The following CSMD3 variants were observed in gnomAD, a reference collection of about 807,000 sequenced individuals.
CSMD3 encodes CUB and Sushi multiple domains 3.
In CSMD3, 177 loss-of-function variants were observed where a neutral mutation model predicts 435.2. The ratio of observed to expected loss-of-function variants is 0.41; its 90% CI spans 0.36 to 0.46. The LOEUF (loss-of-function observed/expected upper bound fraction) is 0.46, where lower values mean the gene tolerates loss of function less well. CSMD3 is among the 20% of genes least tolerant of loss of function. CSMD3 has a pLI of 0.34. For missense variants in CSMD3, 4,265 were observed against 4,504.6 expected, an observed-to-expected ratio of 0.95 and a Z score of 1.52; for synonymous variants, 1,656 against 1,520.5, an observed-to-expected ratio of 1.09 and a Z score of -2.07.
chr8:112,266,971 T>C (rs1817009706), intron 59 of CSMD3, among the ~76,000 whole-genome samples: 1 of 152,170 alleles, frequency 6.6e-6, no homozygotes, highest in African/African-American at 2.4e-5. Context: ...CATAAAAGGG[T>C]AATTTCTCCA....
At chr8:112,580,652 T>C (rs952880439) in intron 23 of CSMD3, among the ~76,000 whole-genome samples, 6 of 151,968 alleles carry the variant, frequency 3.9e-5, no homozygotes, top group East Asian at 1.9e-4. Flanking sequence ...ATGCTTCTTA[T>C]GAGCAGAGCA....
At chr8:113,167,627 C>T (rs2092179054) in intron 4 of CSMD3, among the ~76,000 whole-genome samples, 1 of 152,086 alleles carries the variant, frequency 6.6e-6, no homozygotes, top group Non-Finnish European at 1.5e-5. Flanking sequence ...GATTGAATAG[C>T]CTGTATTTTC....
Position 112,224,731 on chromosome 8 carries a change from G to A in CSMD3, c.*40C>T. On this transcript the variant is annotated 3_prime_UTR_variant, in exon 71 of 71. Coordinates refer to ENST00000297405, the MANE Select transcript of CSMD3 (RefSeq NM_198123.2). ...GAACTAAATGTGCACTGTTTTGTGT[G>A]TCGATTTCCAAGCTTCTGAAGAAGG... The A allele has an allele frequency of 6.2e-7, 1 of 1,608,396 alleles. No homozygotes were observed. Among genetic ancestry groups the A allele is most frequent in the South Asian group, 1.1e-5 (1 of 90,990 alleles).
At chr8:112,592,785 A>G (rs546800097) in intron 22 of CSMD3, among the ~76,000 whole-genome samples, 3 of 152,262 alleles carry the variant, frequency 2.0e-5, no homozygotes, top group African/African-American at 7.2e-5. Context: ...AATAAAAATA[A>G]CTATGGATAT....
At chr8:112,631,828 T>C (rs2074524412) in intron 22 of CSMD3, among the ~76,000 whole-genome samples, 1 of 152,022 alleles carries the variant, frequency 6.6e-6, no homozygotes, top group Non-Finnish European at 1.5e-5. Context: ...ATAGAACTCA[T>C]ACTGGCATCA....
intron 1 of CSMD3, among the ~76,000 whole-genome samples, chr8:113,377,461 G>A (rs10505203): frequency 0.14 from 21,656 of 152,092 alleles, 2,531 homozygotes; most frequent in African/African-American, 0.33. Flanking sequence ...GAAATCTAGA[G>A]AACTAACATT....
At chr8:112,436,132 G>A (rs945765258) in intron 32 of CSMD3, among the ~76,000 whole-genome samples, 1 of 151,816 alleles carries the variant, frequency 6.6e-6, no homozygotes, top group Non-Finnish European at 1.5e-5. Flanking sequence ...TGTCCCCAGA[G>A]AAGATTAGTT....
intron 4 of CSMD3, among the ~76,000 whole-genome samples, chr8:113,138,511 C>T (rs914486299): frequency 1.3e-5 from 2 of 151,328 alleles, no homozygotes; most frequent in South Asian, 2.1e-4. Flanking sequence ...ATTCATTATA[C>T]ATCTTAATAA....
intron 6 of CSMD3, among the ~76,000 whole-genome samples, chr8:112,979,285 T>C (rs918449861): frequency 6.6e-6 from 1 of 151,852 alleles, no homozygotes; most frequent in Non-Finnish European, 1.5e-5. Flanking sequence ...GTTTGATACA[T>C]ATAGTGGAAC....
Position 112,656,152 on chromosome 8 carries a change from A to G in CSMD3, c.3004+2T>C. On this transcript the variant is annotated splice_donor_variant, in intron 18 of 70. Coordinates refer to ENST00000297405, the MANE Select transcript of CSMD3 (RefSeq NM_198123.2). LOFTEE classifies it high-confidence loss of function. ...AAATCAAAAAGTTTTATCATTACTTACTTTCATAATGAATCTTGAAACCAT... is the reference window on the plus strand; with the variant it reads ...AAATCAAAAAGTTTTATCATTACTTGCTTTCATAATGAATCTTGAAACCAT... The G allele has an allele frequency of 6.7e-7, 1 of 1,502,516 alleles. No homozygotes were observed. Among genetic ancestry groups the G allele is most frequent in the Non-Finnish European group, 9.3e-7 (1 of 1,079,458 alleles). 93.1% of individuals were successfully genotyped at this position (1,502,516 alleles called of 1,614,324 possible). A position where few individuals can be genotyped will look rare whatever the true frequency, so the allele number is the denominator to read the frequency against.
At chr8:113,254,931 T>C (rs1384365831) in intron 3 of CSMD3, among the ~76,000 whole-genome samples, 1 of 152,132 alleles carries the variant, frequency 6.6e-6, no homozygotes, top group African/African-American at 2.4e-5. Context: ...AAAAATTTAT[T>C]ATAACAATTG....
intron 1 of CSMD3, among the ~76,000 whole-genome samples, chr8:113,379,728 C>A (rs1048075308): frequency 6.6e-6 from 1 of 152,124 alleles, no homozygotes; most frequent in African/African-American, 2.4e-5. Flanking sequence ...TATCTGTGTA[C>A]TTTTTAATCT....
At chr8:113,049,081 C>G (rs562582964) in intron 5 of CSMD3, among the ~76,000 whole-genome samples, 4 of 152,048 alleles carry the variant, frequency 2.6e-5, no homozygotes, top group African/African-American at 9.6e-5. Flanking sequence ...TCTAGTAAAA[C>G]TACAAAAATA....
intron 23 of CSMD3, among the ~76,000 whole-genome samples, chr8:112,585,740 T>C (rs1238705684): frequency 6.6e-6 from 1 of 151,656 alleles, no homozygotes; most frequent in Non-Finnish European, 1.5e-5. Context: ...ATGTTTATTA[T>C]TGTTGCTTCT....
intron 41 of CSMD3, among the ~76,000 whole-genome samples, chr8:112,342,987 T>TATA (rs1825288092): frequency 2.1e-5 from 1 of 47,288 alleles, no homozygotes; most frequent in Non-Finnish European, 4.6e-5. Context: ...ATATATATAT[T>TATA]TATATATATA....
intron 3 of CSMD3, among the ~76,000 whole-genome samples, chr8:113,187,387 G>GA (rs1417984452): frequency 3.3e-5 from 5 of 151,410 alleles, no homozygotes; most frequent in African/African-American, 7.3e-5. Context: ...AAAGAGACTG[G>GA]AAAAAAAATC....
At chr8:113,083,502 A>C (rs2089644590) in intron 5 of CSMD3, among the ~76,000 whole-genome samples, 1 of 152,106 alleles carries the variant, frequency 6.6e-6, no homozygotes, top group Non-Finnish European at 1.5e-5. Flanking sequence ...GTCTTACAAT[A>C]AATGTGTAAG....
chr8:113,312,143 C>T (rs1030609563), intron 2 of CSMD3: 1 of 152,062 alleles, frequency 6.6e-6, no homozygotes, highest in African/African-American at 2.4e-5. Context: ...TATTGAAGAG[C>T]TTCAGATCTA....
At chr8:112,703,252 T>G (rs189686396) in intron 13 of CSMD3, among the ~76,000 whole-genome samples, 21 of 152,258 alleles carry the variant, frequency 1.4e-4, no homozygotes. Context: ...CACATGATTC[T>G]GCTCTTTTTT....
Sources: allele counts gnomAD v4.1 joint callset (sites outside exome capture counted in the v4.1 genomes callset), GRCh38; gene constraint gnomAD v4.1.1; transcripts MANE v1.5; gene names NCBI Gene and HGNC (gene_info 2026-07-23, HGNC 2026-07-21).